DLGAP2: variants seen among roughly 807,000 people sequenced by gnomAD.
DLGAP2 encodes disks large-associated protein 2.
Under a neutral mutation model 100.3 loss-of-function variants are expected in DLGAP2, and 26 were observed. The ratio of observed to expected loss-of-function variants is 0.26; its 90% confidence interval spans 0.19 to 0.36. The LOEUF (loss-of-function observed/expected upper bound fraction) is 0.36. DLGAP2 is among the 10% of genes least tolerant of loss of function. The pLI, the probability that DLGAP2 is intolerant of heterozygous loss-of-function variation, is 1.00. For synonymous variants in DLGAP2, 886 were observed against 630.1 expected (o/e 1.41, Z -6.08); for missense variants, 1,858 against 1,453.2 (o/e 1.28, Z -4.53).
At chr8:1,377,710 C>T (rs1235567455) in intron 3 of DLGAP2, among the ~76,000 whole-genome samples, 4 of 152,192 alleles carry the variant, frequency 2.6e-5, no homozygotes, top group Non-Finnish European at 5.9e-5. Context: ...GTGCAGCTCC[C>T]TCCTGTCTCC....
At chr8:1,146,987 C>T (rs1796620308) in intron 2 of DLGAP2, among the ~76,000 whole-genome samples, 1 of 152,146 alleles carries the variant, frequency 6.6e-6, no homozygotes. Flanking sequence ...CCTGCATTTC[C>T]AGATGAATTT....
At chr8:1,021,574 G>A (rs1323474167) in intron 2 of DLGAP2, among the ~76,000 whole-genome samples, 1 of 152,168 alleles carries the variant, frequency 6.6e-6, no homozygotes, top group East Asian at 1.9e-4. Context: ...CTTGATCTCA[G>A]GCAGTCAGAG....
intron 3 of DLGAP2, among the ~76,000 whole-genome samples, chr8:1,323,848 G>C (rs1800962988): frequency 6.6e-6 from 1 of 152,188 alleles, no homozygotes; most frequent in Non-Finnish European, 1.5e-5. Context: ...CTGAGGGCTT[G>C]GCTGTACTAC....
intron 3 of DLGAP2, among the ~76,000 whole-genome samples, chr8:1,261,566 G>C (rs575054352): frequency 0.016 from 2,388 of 151,008 alleles, 84 homozygotes; most frequent in Non-Finnish European, 0.021. Flanking sequence ...GGGGTGGGAG[G>C]GGGGGCTGGG....
At chr8:875,807 G>A (rs537554238) in intron 1 of DLGAP2, among the ~76,000 whole-genome samples, 25 of 151,822 alleles carry the variant, frequency 1.6e-4, no homozygotes, top group African/African-American at 5.3e-4. Flanking sequence ...CATTTATTTC[G>A]TGTTTGCTCT....
intron 2 of DLGAP2, among the ~76,000 whole-genome samples, chr8:932,268 C>T (rs915243419): frequency 5.3e-5 from 8 of 152,200 alleles, no homozygotes; most frequent in African/African-American, 1.9e-4. Context: ...AAAAGGGTGA[C>T]AAATGTTCTC....
chr8:1,328,783 G>C (rs1801081563), intron 3 of DLGAP2, among the ~76,000 whole-genome samples: 1 of 152,230 alleles, frequency 6.6e-6, no homozygotes, highest in Non-Finnish European at 1.5e-5. Flanking sequence ...GGAAATGTCG[G>C]GATGCCGCTT....
chr8:1,457,770 G>A (rs1798355390), intron 3 of DLGAP2, among the ~76,000 whole-genome samples: 1 of 151,698 alleles, frequency 6.6e-6, no homozygotes, highest in Non-Finnish European at 1.5e-5. Flanking sequence ...CCCCCAGAAG[G>A]TTGCCCTTCC....
chr8:1,509,373 A>G (rs576190531), intron 4 of DLGAP2, among the ~76,000 whole-genome samples: 1 of 151,502 alleles, frequency 6.6e-6, no homozygotes, highest in African/African-American at 2.4e-5. Flanking sequence ...ACCAAAGTAC[A>G]CTCTGGATAA....
intron 2 of DLGAP2, among the ~76,000 whole-genome samples, chr8:918,453 T>C (rs1196761230): frequency 1.3e-5 from 2 of 152,200 alleles, no homozygotes; most frequent in Non-Finnish European, 2.9e-5. Context: ...TCTGATTGTG[T>C]AGACTGGGTA....
intron 2 of DLGAP2, among the ~76,000 whole-genome samples, chr8:913,161 G>A (rs151067605): frequency 1.3e-5 from 2 of 152,274 alleles, no homozygotes; most frequent in African/African-American, 2.4e-5. Flanking sequence ...CTACAGGTTG[G>A]CAGACCTAAT....
chr8:773,202 T>C (rs1351829832), intron 1 of DLGAP2, among the ~76,000 whole-genome samples: 2 of 152,204 alleles, frequency 1.3e-5, no homozygotes, highest in Non-Finnish European at 2.9e-5. Flanking sequence ...AAGGCCTCTT[T>C]CTTTGGTGGG....
chr8:1,363,228 T>A (rs2129667248), intron 3 of DLGAP2, among the ~76,000 whole-genome samples: 1 of 152,292 alleles, frequency 6.6e-6, no homozygotes, highest in East Asian at 1.9e-4. Context: ...CACACGAAGG[T>A]ACGGGCAGCA....
At chr8:1,102,395 C>T (rs1301650854) in intron 2 of DLGAP2, among the ~76,000 whole-genome samples, 5 of 148,990 alleles carry the variant, frequency 3.4e-5, no homozygotes, top group African/African-American at 1.2e-4. Context: ...ATACATAAAA[C>T]ATTACAGACA....
intron 1 of DLGAP2, among the ~76,000 whole-genome samples, chr8:885,639 G>C (rs1159540714): frequency 6.6e-6 from 1 of 152,122 alleles, no homozygotes; most frequent in African/African-American, 2.4e-5. Context: ...GATTGCCCTG[G>C]ACAGAACTTC....
rs146320911 is a variant in DLGAP2 at position 1,410,728 on chromosome 8, G to T, written c.107-90638G>T. Among the ~76,000 whole-genome samples, 328 of 152,290 alleles carry T rather than the reference G, an allele frequency of 2.2e-3. 1 individual carries two copies. Among genetic ancestry groups the T allele is most frequent in the African/African-American group, 6.8e-3 (284 of 41,580 alleles). ...GCGTCAAACCCCACGTCCAGGTCAAGGGATCCAGAGATGCTGATTTGGAAC... is the reference window on the plus strand; with the variant it reads ...GCGTCAAACCCCACGTCCAGGTCAATGGATCCAGAGATGCTGATTTGGAAC... On this transcript the variant is annotated intron_variant, in intron 3 of 14. Coordinates refer to ENST00000637795, the MANE Select transcript of DLGAP2 (RefSeq NM_001346810.2).
At chr8:1,291,332 A>G (rs1442697637) in intron 3 of DLGAP2, among the ~76,000 whole-genome samples, 2 of 152,190 alleles carry the variant, frequency 1.3e-5, no homozygotes, top group African/African-American at 2.4e-5. Flanking sequence ...GAAAAGTGTG[A>G]AAATGGAAAC....
intron 1 of DLGAP2, among the ~76,000 whole-genome samples, chr8:781,917 A>AT (rs1186458904): frequency 1.3e-5 from 2 of 152,196 alleles, no homozygotes; most frequent in Non-Finnish European, 2.9e-5. Flanking sequence ...TACCACTGCT[A>AT]TTCAAAACTG....
At position 1,215,842 on chromosome 8, in the gene DLGAP2, G is replaced by C. The variant is rs11775155; in HGVS notation, c.74-43009G>C. On this transcript the variant is annotated intron_variant, in intron 2 of 14. Transcript: ENST00000637795. ...ATCACCTGGAGACGTCCAGGTACCT[G>C]GATGGGTTCATTTGGGTGCATCACC... 6.4e-4 allele frequency among the ~76,000 whole-genome samples: 77 copies of C among 121,184 alleles called. 2 individuals are homozygous for C. Among genetic ancestry groups the C allele is most frequent in the African/African-American group, 4.0e-4 (9 of 22,716 alleles). The allele number at this position is 121,184 out of a possible 152,430, so 79.5% of individuals were successfully genotyped here. A position where few individuals can be genotyped will look rare whatever the true frequency, so the allele number is the denominator to read the frequency against.
Sources: gnomAD v4.1 joint callset for allele counts (sites outside exome capture counted in the v4.1 genomes callset) on GRCh38, gnomAD v4.1.1 for gene constraint, MANE v1.5 for transcripts, NCBI Gene and HGNC (gene_info 2026-07-23, HGNC 2026-07-21) for gene names.